The following CLIP4 variants were observed in gnomAD, a reference collection of about 807,000 sequenced individuals.
CLIP4 encodes the protein CAP-Gly domain containing linker protein family member 4.
Under a neutral mutation model 73.1 loss-of-function variants are expected in CLIP4, and 47 were observed. The ratio of observed to expected loss-of-function variants is 0.64; its 90% CI spans 0.51 to 0.82. CLIP4 has a LOEUF of 0.82. Among genes scored for constraint, CLIP4 ranks in the 40% least tolerant of loss-of-function variants. The pLI, the probability that CLIP4 is intolerant of heterozygous loss-of-function variation, is 0.00. For missense variants in CLIP4, 874 were observed against 852.9 expected, an observed-to-expected ratio of 1.02 and a Z score of -0.31; for synonymous variants, 306 against 295.4, an observed-to-expected ratio of 1.04 and a Z score of -0.37.
chr2:29,171,954 A>G (rs1464775815), intron 14 of CLIP4, among the ~76,000 whole-genome samples: 2 of 148,880 alleles, frequency 1.3e-5, no homozygotes, highest in Admixed American at 1.3e-4. Flanking sequence ...ACTTTTTTGT[A>G]CTTAATAAGT....
intron 6 of CLIP4, among the ~76,000 whole-genome samples, chr2:29,138,600 A>T (rs897359922): frequency 1.3e-5 from 2 of 152,078 alleles, no homozygotes; most frequent in Admixed American, 1.3e-4. Flanking sequence ...TGCTTTGGGC[A>T]ATGTGGACAT....
chr2:29,181,599 G>C lies in CLIP4; in HGVS notation c.1824G>C (p.Trp608Cys). 1.2e-6 allele frequency: 2 copies of C among 1,611,894 alleles called. No individual in the cohort carries two copies. The highest frequency in any genetic ancestry group is 1.7e-6 in the Non-Finnish European group (2 of 1,178,400). The change falls in exon 16 of 16, where the codon TGG (tryptophan) becomes TGC (cysteine). Residue 608 changes from tryptophan to cysteine, a missense_variant. By Grantham distance (215) the Trp-to-Cys change is radical. Transcript: ENST00000320081. ...CGAAAGCTGCTTTGCGTCGCAGTTG[G>C]AGCAGCACCCCCACCGCAGGTGGCA... ...SKSKAALRRS[W>C]SSTPTAGGIE...
At chr2:29,116,821 C>G (rs1407150512) in intron 1 of CLIP4, among the ~76,000 whole-genome samples, 1 of 152,160 alleles carries the variant, frequency 6.6e-6, no homozygotes, top group Non-Finnish European at 1.5e-5. Flanking sequence ...CCATGGTATT[C>G]TATTTGTAGG....
At chr2:29,130,544 A>T (rs767293142) in intron 2 of CLIP4, 35 of 819,436 alleles carry the variant, frequency 4.3e-5, no homozygotes, top group Non-Finnish European at 5.2e-5. Flanking sequence ...AGGTCCTTAC[A>T]GGTTTTCCTG....
intron 13 of CLIP4, among the ~76,000 whole-genome samples, 155 bp downstream of exon 13, chr2:29,164,109 T>C (rs1667457467): frequency 6.6e-6 from 1 of 152,226 alleles, no homozygotes; most frequent in Non-Finnish European, 1.5e-5. Flanking sequence ...AGAAGGCTCA[T>C]GGAAAGCTAA....
intron 1 of CLIP4, among the ~76,000 whole-genome samples, chr2:29,103,692 T>G (rs963077336): frequency 1.1e-4 from 16 of 147,224 alleles, no homozygotes; most frequent in African/African-American, 3.8e-4. Context: ...CACTGCTCTG[T>G]TTTTTTTTTG....
intron 8 of CLIP4, 85 bp downstream of exon 8, chr2:29,145,452 C>A: frequency 8.8e-7 from 1 of 1,136,094 alleles, no homozygotes; most frequent in South Asian, 1.7e-5. Context: ...TAAAACTTTT[C>A]TCCTGATTTC....
rs1246268133 is a variant in CLIP4, at chr2:29,182,072, A to G, written c.*179A>G. 4.4e-6 allele frequency: 2 copies of G among 458,284 alleles called. No homozygotes were observed. The highest frequency in any genetic ancestry group is 3.7e-6 in the Non-Finnish European group (1 of 271,882). The allele number at this position is 458,284 out of a possible 1,614,324, so 28.4% of individuals were successfully genotyped here. ...AAGCCATGAATATGAACTATGGGGAATCATGGTTCTTTTAAAGCAATTTTC... is the reference window on the plus strand; with the variant it reads ...AAGCCATGAATATGAACTATGGGGAGTCATGGTTCTTTTAAAGCAATTTTC... On this transcript the variant is annotated 3_prime_UTR_variant, in exon 16 of 16. Coordinates refer to ENST00000320081, the MANE Select transcript of CLIP4 (RefSeq NM_024692.6).
chr2:29,167,231 A>G (rs985571958), intron 13 of CLIP4, among the ~76,000 whole-genome samples: 2 of 152,192 alleles, frequency 1.3e-5, no homozygotes, highest in African/African-American at 4.8e-5. Flanking sequence ...ATTCAGGTCC[A>G]TATTTTAGGT....
At chr2:29,168,525 T>C (rs1463716857) in intron 14 of CLIP4, among the ~76,000 whole-genome samples, 1 of 125,066 alleles carries the variant, frequency 8.0e-6, no homozygotes, top group Non-Finnish European at 1.7e-5. Context: ...TTTTTTTTTT[T>C]TTTTTTTTTT....
chr2:29,174,557 C>T (rs773053605), intron 15 of CLIP4, 112 bp downstream of exon 15: 28 of 1,457,596 alleles, frequency 1.9e-5, no homozygotes, highest in Non-Finnish European at 2.3e-5. Flanking sequence ...AGAGTTTTAA[C>T]ACGTAGGAGA....
At chr2:29,170,764 A>T (rs1573026468) in intron 14 of CLIP4, among the ~76,000 whole-genome samples, 1 of 150,444 alleles carries the variant, frequency 6.6e-6, no homozygotes, top group East Asian at 1.9e-4. Flanking sequence ...ATTTTGAGTT[A>T]ATTTTTGGGT....
At chr2:29,160,897 C>A (rs551526368) in intron 12 of CLIP4, among the ~76,000 whole-genome samples, 10 of 152,172 alleles carry the variant, frequency 6.6e-5, no homozygotes, top group African/African-American at 2.4e-4. Flanking sequence ...GTTTTTGGGG[C>A]CCTTAAAAAT....
chr2:29,131,734 G>C (rs1664986056), intron 3 of CLIP4: 1 of 240,184 alleles, frequency 4.2e-6, no homozygotes, highest in African/African-American at 2.3e-5. Flanking sequence ...CTTTTGGTTG[G>C]TTTGGTAAAT....
At chr2:29,166,671 G>C (rs997053710) in intron 13 of CLIP4, among the ~76,000 whole-genome samples, 2 of 151,790 alleles carry the variant, frequency 1.3e-5, no homozygotes, top group Non-Finnish European at 2.9e-5. Context: ...CCTCTCAACT[G>C]TCTGTTACTA....
At chr2:29,155,496 ATTATAC>A (rs1435201182) in intron 9 of CLIP4, among the ~76,000 whole-genome samples, 1 of 152,176 alleles carries the variant, frequency 6.6e-6, no homozygotes, top group Non-Finnish European at 1.5e-5. Context: ...TGGTTGACAT[ATTATAC>A]TTATTATACC....
intron 1 of CLIP4, chr2:29,118,312 T>G (rs1664010637): frequency 6.6e-6 from 1 of 152,244 alleles, no homozygotes; most frequent in Admixed American, 6.5e-5. Flanking sequence ...CATTTATTAC[T>G]GCTCTGTGTT....
chr2:29,154,837 C>T (rs959515043), intron 9 of CLIP4, among the ~76,000 whole-genome samples: 7 of 152,118 alleles, frequency 4.6e-5, no homozygotes, highest in Non-Finnish European at 7.4e-5. Context: ...GCTGCGGAAG[C>T]GGAACCCACA....
rs764966379 is a variant in CLIP4 at position 29,181,924 on chromosome 2, A to T, written c.*31A>T. The stretch of plus-strand genomic sequence containing the variant: ...TAAAATATTAAATAAGCTCAAATAT[A>T]TATATTTGGTGTAAATAAAGAGTCC... On this transcript the variant is annotated 3_prime_UTR_variant, in exon 16 of 16. Transcript: ENST00000320081. The T allele has an allele frequency of 5.3e-6, 8 of 1,521,914 alleles. No individual in the cohort carries two copies. The South Asian group carries it at 1.0e-4, about 19-fold the overall frequency. The allele number at this position is 1,521,914 out of a possible 1,614,324, so 94.3% of individuals were successfully genotyped here.
Sources: gnomAD v4.1 joint callset for allele counts (sites outside exome capture counted in the v4.1 genomes callset) on GRCh38, gnomAD v4.1.1 for gene constraint, MANE v1.5 for transcripts, NCBI Gene and HGNC (gene_info 2026-07-23, HGNC 2026-07-21) for gene names.